The following PDZD2 variants were observed in gnomAD, a reference collection of about 807,000 sequenced individuals.
PDZD2 encodes the protein PDZ domain containing 2.
PDZD2 carries 90 observed loss-of-function variants against 220.7 expected under a neutral mutation model. That is an observed-to-expected ratio of 0.41 (90% confidence interval 0.34 to 0.49). PDZD2 has a LOEUF of 0.49. Ranked by LOEUF, PDZD2 falls within the 20% of genes least tolerant of loss-of-function variation. The pLI is 0.28. For synonymous variants in PDZD2, 1,375 were observed against 1,450.5 expected (o/e 0.95, Z 1.18); for missense variants, 3,174 against 3,608.5 (o/e 0.88, Z 3.08).
intron 9 of PDZD2, 91 bp from the exon 10 acceptor site, chr5:32,053,678 C>CAG: frequency 1.3e-6 from 1 of 781,492 alleles, no homozygotes. Context: ...TACAATGGGA[C>CAG]AGATGCCTTC....
rs1217826006 is a variant in PDZD2, at chr5:32,109,959, C to CTT, written c.*1825_*1826dup. 3 of 152,570 alleles carry CTT rather than the reference C, an allele frequency of 2.0e-5. No homozygotes were observed. The highest frequency in any genetic ancestry group is 4.4e-5 in the Non-Finnish European group (3 of 68,026). The allele number at this position is 152,570 out of a possible 1,614,324, so 9.5% of individuals were successfully genotyped here. A position where few individuals can be genotyped will look rare whatever the true frequency, so the allele number is the denominator to read the frequency against. ...TGGTACAGGAGTTAGTTAGAAAGGT[C>CTT]TTATTGATTTTACTTCTACTTTTCA... is the stretch of plus-strand genomic sequence containing the variant. On this transcript the variant is annotated 3_prime_UTR_variant, in exon 25 of 25. Transcript: ENST00000438447.
intron 2 of PDZD2, among the ~76,000 whole-genome samples, chr5:31,819,895 T>C (rs187805857): frequency 6.7e-4 from 102 of 152,318 alleles, no homozygotes; most frequent in African/African-American, 2.2e-3. Context: ...AGGAATTACT[T>C]TGAATCATAC....
rs1336435551 is a variant in PDZD2, at chr5:31,661,849, C to A, written c.-361+22412C>A. Among the ~76,000 whole-genome samples, 7 of 141,690 alleles carry A rather than the reference C, an allele frequency of 4.9e-5. No individual in the cohort carries two copies. The East Asian group carries it at 1.5e-3, about 30-fold the overall frequency. 93.0% of individuals were successfully genotyped at this position (141,690 alleles called of 152,430 possible). A position where few individuals can be genotyped will look rare whatever the true frequency, so the allele number is the denominator to read the frequency against. ...AGGGGCAAAAAGGTAAATGTCGTAA[C>A]TGTACAAGGTGCAGGCAGGGGAAGA... On this transcript the variant is annotated intron_variant, in intron 1 of 24. Transcript: ENST00000438447.
intron 1 of PDZD2, among the ~76,000 whole-genome samples, chr5:31,735,620 C>T (rs944313723): frequency 2.1e-4 from 32 of 151,708 alleles, no homozygotes; most frequent in Non-Finnish European, 4.6e-4. Context: ...GCAAACATGG[C>T]GAAACCCCAT....
At chr5:31,840,439 TA>T (rs1561499361) in intron 2 of PDZD2, 2,785 of 95,952 alleles carry the variant, frequency 0.029, 267 homozygotes, top group African/African-American at 0.043. Flanking sequence ...TATATATATA[TA>T]TATATATATT....
At chr5:31,691,470 C>T (rs9292438) in intron 1 of PDZD2, among the ~76,000 whole-genome samples, 41,750 of 117,330 alleles carry the variant, frequency 0.36, 9,521 homozygotes, top group East Asian at 0.51. Flanking sequence ...TATTCTCTTA[C>T]CTGGCGCCAC....
intron 2 of PDZD2, among the ~76,000 whole-genome samples, chr5:31,808,998 A>G (rs1189621704): frequency 7.4e-6 from 1 of 135,676 alleles, no homozygotes; most frequent in African/African-American, 3.4e-5. Flanking sequence ...AAAATAATAA[A>G]AATAACTAAT....
chr5:31,823,607 G>C (rs1756039238), intron 2 of PDZD2, among the ~76,000 whole-genome samples: 1 of 152,120 alleles, frequency 6.6e-6, no homozygotes, highest in Non-Finnish European at 1.5e-5. Flanking sequence ...CAACCTCTAG[G>C]AACTGAAAGC....
rs1561499045 is a variant in PDZD2 at position 31,840,419 on chromosome 5, TA to T, written c.476+40696del. On this transcript the variant is annotated intron_variant, in intron 2 of 24. Transcript: ENST00000438447. The stretch of plus-strand genomic sequence containing the variant: ...CATTATATATATATATATATATATA[TA>T]TATATATATATATATATATATATAT... The T allele has an allele frequency of 7.8e-4, 94 of 120,858 alleles. 7 individuals carry two copies. Among genetic ancestry groups the T allele is most frequent in the African/African-American group, 2.2e-3 (68 of 31,018 alleles). 7.5% of individuals were successfully genotyped at this position (120,858 alleles called of 1,614,324 possible). A position where few individuals can be genotyped will look rare whatever the true frequency, so the allele number is the denominator to read the frequency against.
intron 10 of PDZD2, among the ~76,000 whole-genome samples, chr5:32,056,278 A>T (rs1028624737): frequency 3.3e-5 from 5 of 152,188 alleles, no homozygotes; most frequent in African/African-American, 1.2e-4. Flanking sequence ...TAACAAATGC[A>T]TGGGGCACAG....
rs554280033 is a variant in PDZD2, at chr5:31,781,054, G to T, written c.-360-17835G>T. Among the ~76,000 whole-genome samples, 3 of 152,328 alleles carry T rather than the reference G, an allele frequency of 2.0e-5. No homozygotes were observed. The East Asian group carries it at 5.8e-4, about 29-fold the overall frequency. The stretch of plus-strand genomic sequence containing the variant: ...AGGATGTCACTTACACCACCGATCA[G>T]TTAGGCCCTTCTTTAAAGCTGAGGC... On this transcript the variant is annotated intron_variant, in intron 1 of 24. Coordinates refer to ENST00000438447, the MANE Select transcript of PDZD2 (RefSeq NM_178140.4).
At chr5:31,706,446 A>G (rs1747824211) in intron 1 of PDZD2, among the ~76,000 whole-genome samples, 1 of 152,034 alleles carries the variant, frequency 6.6e-6, no homozygotes, top group South Asian at 2.1e-4. Context: ...GGAGGCGGAG[A>G]AGCACAGTTC....
Position 32,048,823 on chromosome 5 carries a change from CAG to C in PDZD2, c.1665+144_1665+145del, listed in dbSNP as rs1738234454. On this transcript the variant is annotated intron_variant, in intron 8 of 24. Transcript: ENST00000438447. ...GACAGCAGGCAAAGTGAGGTCTACCCAGAGAGGCTACAAAGAAGTCAGCCTAA... is the reference window on the plus strand; with the variant it reads ...GACAGCAGGCAAAGTGAGGTCTACCCAGAGGCTACAAAGAAGTCAGCCTAA... The C allele has an allele frequency of 3.8e-6, 3 of 790,744 alleles. No individual in the cohort carries two copies. The Admixed American group carries it at 8.1e-5, about 21-fold the overall frequency. 49.0% of individuals were successfully genotyped at this position (790,744 alleles called of 1,614,324 possible). A position where few individuals can be genotyped will look rare whatever the true frequency, so the allele number is the denominator to read the frequency against.
chr5:32,052,764 G>A (rs1405177301), intron 9 of PDZD2, 34 bp downstream of exon 9: 2 of 1,604,382 alleles, frequency 1.2e-6, no homozygotes, highest in African/African-American at 1.3e-5. Flanking sequence ...TCTGCCTTCT[G>A]GGTGAATCTT....
intron 1 of PDZD2, among the ~76,000 whole-genome samples, chr5:31,773,784 G>A (rs1350269697): frequency 6.6e-6 from 1 of 152,152 alleles, no homozygotes; most frequent in Non-Finnish European, 1.5e-5. Context: ...TCAGCTCCTG[G>A]CTGTGTGACT....
intron 21 of PDZD2, among the ~76,000 whole-genome samples, chr5:32,095,832 C>G (rs921656031): frequency 6.6e-6 from 1 of 151,184 alleles, no homozygotes; most frequent in African/African-American, 2.4e-5. Context: ...GCTCCACCTC[C>G]TGGGTTCACG....
chr5:31,882,235 A>G (rs1388317272), intron 2 of PDZD2, among the ~76,000 whole-genome samples: 1 of 152,198 alleles, frequency 6.6e-6, no homozygotes, highest in African/African-American at 2.4e-5. Context: ...TCCTCTTAAC[A>G]GAGGAGGAAG....
rs187038857 is a variant in PDZD2 at position 31,830,884 on chromosome 5, G to A, written c.476+31160G>A. Among the ~76,000 whole-genome samples, 254 of 152,308 alleles carry A rather than the reference G, an allele frequency of 1.7e-3. 1 individual carries two copies. Among genetic ancestry groups the A allele is most frequent in the African/African-American group, 6.0e-3 (249 of 41,574 alleles). ...TGCTTTTCCTGACCAAGGCTTCTCA[G>A]GCTAATTCAGAGGCATTGTGGCACA... On this transcript the variant is annotated intron_variant, in intron 2 of 24. Coordinates refer to ENST00000438447, the MANE Select transcript of PDZD2 (RefSeq NM_178140.4).
intron 2 of PDZD2, among the ~76,000 whole-genome samples, chr5:31,873,766 T>G (rs1739052712): frequency 2.0e-5 from 3 of 151,548 alleles, no homozygotes. Flanking sequence ...GTTCCGCTCT[T>G]GTTGCCCAGG....
Sources: allele counts gnomAD v4.1 joint callset (sites outside exome capture counted in the v4.1 genomes callset), GRCh38; gene constraint gnomAD v4.1.1; transcripts MANE v1.5; gene names NCBI Gene and HGNC (gene_info 2026-07-23, HGNC 2026-07-21).